The following MEF2D variants were observed in gnomAD, a reference collection of about 807,000 sequenced individuals.
MEF2D encodes the protein myocyte enhancer factor 2D.
Under a neutral mutation model 59.3 loss-of-function variants are expected in MEF2D, and 10 were observed. The observed-to-expected ratio is 0.17, with a 90% CI of 0.10 to 0.29. The LOEUF (loss-of-function observed/expected upper bound fraction) is 0.29, where lower values mean the gene tolerates loss of function less well. MEF2D is among the 10% of genes least tolerant of loss of function. The pLI, the probability that MEF2D is intolerant of heterozygous loss-of-function variation, is 1.00. For synonymous variants in MEF2D, 305 were observed against 295.0 expected, an observed-to-expected ratio of 1.03 and a Z score of -0.35; for missense variants, 508 against 699.4, an observed-to-expected ratio of 0.73 and a Z score of 3.09.
chr1:156,481,434 T>C (rs966425460), intron 3 of MEF2D, among the ~76,000 whole-genome samples: 3 of 151,458 alleles, frequency 2.0e-5, no homozygotes, highest in Non-Finnish European at 4.4e-5. Context: ...CTTAGGAGAA[T>C]AGGAGGAAGA....
intron 1 of MEF2D, among the ~76,000 whole-genome samples, chr1:156,485,344 G>T (rs1672284128): frequency 2.0e-5 from 3 of 152,130 alleles, no homozygotes; most frequent in South Asian, 4.1e-4. Context: ...ATGAGGGAAG[G>T]AGGAGAGGGA....
At chr1:156,475,267 G>A (rs761095727) in intron 8 of MEF2D, 30 bp from the exon 9 acceptor site, 10 of 1,560,376 alleles carry the variant, frequency 6.4e-6, no homozygotes, top group Admixed American at 3.8e-5. Flanking sequence ...GTCAGGAGGT[G>A]GCTGACAGGT....
rs114438203 is a variant in MEF2D, at chr1:156,468,676, T to G, written c.1247+104A>C. ...CTGTGCAGTGCACAGCCTCATAGGA[T>G]GTCCACTAGAACCCTGCAGGGAACC... On this transcript the variant is annotated intron_variant, in intron 10 of 11. Transcript: ENST00000348159. This position sits in a 1 kb window ranked among gnomAD's most constrained non-coding sequence, Gnocchi z 4.3. 341 of 1,520,822 alleles carry G rather than the reference T, an allele frequency of 2.2e-4. 2 individuals are homozygous for G. In the African/African-American group the frequency reaches 4.2e-3, roughly 19 times the overall value. The allele number at this position is 1,520,822 out of a possible 1,614,324, so 94.2% of individuals were successfully genotyped here.
chr1:156,487,298 T>TAG (rs1269491939), intron 1 of MEF2D, among the ~76,000 whole-genome samples: 3 of 152,192 alleles, frequency 2.0e-5, no homozygotes, highest in Admixed American at 2.0e-4. Flanking sequence ...TTAAAAAGAC[T>TAG]AGGCCCCATC....
intron 1 of MEF2D, among the ~76,000 whole-genome samples, chr1:156,488,785 T>C (rs1369130204): frequency 6.6e-6 from 1 of 151,992 alleles, no homozygotes; most frequent in Non-Finnish European, 1.5e-5. Context: ...GGGAGAGCGG[T>C]GAAGGGGAGA....
Position 156,468,191 on chromosome 1 carries a change from C to A in MEF2D, c.1356G>T (p.Ala452=), listed in dbSNP as rs753692123. ...PVSPSRERSP[A]PPPPAVFPAA... ...CTGGGAACACAGCTGGAGGGGGAGG[C>A]GCAGGGCTGCGCTCACGGCTTGGGG... Residue 452 remains alanine, a synonymous_variant, in exon 11 of 12, where the codon GCG becomes GCT. Coordinates refer to ENST00000348159, the MANE Select transcript of MEF2D (RefSeq NM_005920.4). The surrounding 1 kb of genome is among the most constrained non-coding windows in gnomAD (Gnocchi z 4.3). 4 of 1,613,572 alleles carry A rather than the reference C, an allele frequency of 2.5e-6. No homozygotes were observed. Among genetic ancestry groups the A allele is most frequent in the East Asian group, 4.5e-5 (2 of 44,868 alleles).
chr1:156,466,191 G>A lies in MEF2D; in HGVS notation c.*1454C>T, dbSNP rs1670827416. 1 of 152,354 alleles carries A rather than the reference G, an allele frequency of 6.6e-6. No individual in the cohort carries two copies. Among genetic ancestry groups the A allele is most frequent in the South Asian group, 2.1e-4 (1 of 4,834 alleles). The allele number at this position is 152,354 out of a possible 1,614,324, so 9.4% of individuals were successfully genotyped here. A position where few individuals can be genotyped will look rare whatever the true frequency, so the allele number is the denominator to read the frequency against. The stretch of plus-strand genomic sequence containing the variant: ...GACTCAGAGGAGGGGAGGGGAGCAA[G>A]AACAACAGCAGAAGAATCTCGTCTG... On this transcript the variant is annotated 3_prime_UTR_variant, in exon 12 of 12. Coordinates refer to ENST00000348159, the MANE Select transcript of MEF2D (RefSeq NM_005920.4).
At position 156,480,914 on chromosome 1, in the gene MEF2D, A is replaced by G. The variant is rs1671967824; in HGVS notation, c.316T>C (p.Ser106Pro). The change falls in exon 4 of 12, where the codon TCG (serine) becomes CCG (proline). Residue 106 changes from serine to proline, a missense_variant. Around this residue, in one of 2 missense-constraint regions of MEF2D, gnomAD observed 481 missense variants for 584.7 expected, o/e 0.82. Transcript: ENST00000348159. ...CDSPEPDGEDSLEQSPLLEDK... is the reference protein window; with the variant it reads ...CDSPEPDGEDPLEQSPLLEDK... Reference sequence around the variant, plus strand: ...TCCAGCAGGGGGCTCTGTTCCAGCGAGTCCTCCCCGTCGGGCTCGGGGCTG... The same window carrying G: ...TCCAGCAGGGGGCTCTGTTCCAGCGGGTCCTCCCCGTCGGGCTCGGGGCTG... 1.9e-6 allele frequency: 3 copies of G among 1,611,834 alleles called. No individual in the cohort carries two copies. Among genetic ancestry groups the G allele is most frequent in the Non-Finnish European group, 2.5e-6 (3 of 1,179,560 alleles).
rs1204476615 is a variant in MEF2D at position 156,466,306 on chromosome 1, AAAAC to A, written c.*1335_*1338del. The A allele has an allele frequency of 6.6e-6, 1 of 152,666 alleles. No individual in the cohort carries two copies. The highest frequency in any genetic ancestry group is 1.5e-5 in the Non-Finnish European group (1 of 68,062). 9.5% of individuals were successfully genotyped at this position (152,666 alleles called of 1,614,324 possible). A position where few individuals can be genotyped will look rare whatever the true frequency, so the allele number is the denominator to read the frequency against. On this transcript the variant is annotated 3_prime_UTR_variant, in exon 12 of 12. Transcript: ENST00000348159. ...CATATCAATACAACAACAACAAAAA[AAAAC>A]AGTTTCCTGGACTGTTACACCGCTA...
Position 156,468,237 on chromosome 1 carries a change from C to T in MEF2D, c.1310G>A (p.Ser437Asn), listed in dbSNP as rs952787007. ...TGGGGACACCGGTTCTGACTTGATG[C>T]TGATGTGGGGGTGGGTGGTGACTGT... Reference protein sequence around the residue: ...ALTVTTHPHISIKSEPVSPSR... With the variant: ...ALTVTTHPHINIKSEPVSPSR... Residue 437 changes from serine (S) to asparagine (N), a missense_variant, in exon 11 of 12, where the codon AGC becomes AAC. Around this residue, in one of 2 missense-constraint regions of MEF2D, gnomAD observed 481 missense variants for 584.7 expected, o/e 0.82. Transcript: ENST00000348159. The surrounding 1 kb of genome is among the most constrained non-coding windows in gnomAD (Gnocchi z 4.3). The T allele has an allele frequency of 6.2e-7, 1 of 1,601,398 alleles. No individual in the cohort carries two copies. The highest frequency in any genetic ancestry group is 8.5e-7 in the Non-Finnish European group (1 of 1,172,052).
intron 1 of MEF2D, among the ~76,000 whole-genome samples, chr1:156,489,294 G>C (rs1251358332): frequency 6.6e-6 from 1 of 152,128 alleles, no homozygotes; most frequent in Non-Finnish European, 1.5e-5. Context: ...GCAGGCGCTG[G>C]GGGAGGGGGT....
At chr1:156,470,070 C>T (rs377602206) in intron 9 of MEF2D, among the ~76,000 whole-genome samples, 3 of 152,342 alleles carry the variant, frequency 2.0e-5, no homozygotes, top group South Asian at 2.1e-4. Context: ...GTGTTCATTA[C>T]GTCATAAAAT....
rs1214453257 is a variant in MEF2D, at chr1:156,475,120, C to G, written c.994G>C (p.Ala332Pro). The G allele has an allele frequency of 1.9e-6, 3 of 1,614,192 alleles. No individual in the cohort carries two copies. Among genetic ancestry groups the G allele is most frequent in the Non-Finnish European group, 2.5e-6 (3 of 1,180,008 alleles). ...CATGAACACTCACCTGTGTTGTAGG[C>G]AGTGGGCATGGAAGAGAAGGGGAGG... ...QGLPFSSMPT[A>P]YNTDYQLTSA... The change falls in exon 9 of 12, where the codon GCC becomes CCC. Residue 332 changes from alanine to proline, a missense_variant. By Grantham distance (27) the Ala-to-Pro change is conservative (BLOSUM62 -1). Around this residue, in one of 2 missense-constraint regions of MEF2D, gnomAD observed 481 missense variants for 584.7 expected, o/e 0.82. Coordinates refer to ENST00000348159, the MANE Select transcript of MEF2D (RefSeq NM_005920.4).
At chr1:156,475,334 A>G in intron 8 of MEF2D, 97 bp from the exon 9 acceptor site, 1 of 1,433,396 alleles carries the variant, frequency 7.0e-7, no homozygotes, top group Non-Finnish European at 9.2e-7. Context: ...CTGAATCCCA[A>G]AGCCAAGGCG....
rs770972104 is a variant in MEF2D, at chr1:156,480,737, A to G, written c.396+97T>C. ...GGGGGTCAGGGCAAACACCTCGTCC[A>G]CCTCAGGGCTCTCACATTCCCTGTG... On this transcript the variant is annotated intron_variant, in intron 4 of 11. Transcript: ENST00000348159. 2.0e-5 allele frequency: 33 copies of G among 1,610,290 alleles called. No homozygotes were observed. The African/African-American group carries it at 3.9e-4, about 19-fold the overall frequency.
At chr1:156,479,833 T>A in intron 4 of MEF2D, 37 bp from the exon 5 acceptor site, 3 of 1,544,460 alleles carry the variant, frequency 1.9e-6, no homozygotes, top group Non-Finnish European at 2.6e-6. Context: ...TCAGGCCAGG[T>A]TGACCCCTTC....
At chr1:156,472,872 G>A (rs571252504) in intron 9 of MEF2D, among the ~76,000 whole-genome samples, 23 of 152,162 alleles carry the variant, frequency 1.5e-4, no homozygotes, top group Non-Finnish European at 2.6e-4. Context: ...ACTACATCCC[G>A]CTTAATTTTC....
intron 8 of MEF2D, 57 bp downstream of exon 8, chr1:156,476,437 C>T (rs1303768700): frequency 1.9e-6 from 3 of 1,586,764 alleles, no homozygotes; most frequent in Non-Finnish European, 2.6e-6. Context: ...TGCTGGGGGA[C>T]CGCAGAGCAA....
chr1:156,474,872 G>A (rs959166504), intron 9 of MEF2D, among the ~76,000 whole-genome samples: 36 of 151,952 alleles, frequency 2.4e-4, no homozygotes, highest in Admixed American at 1.2e-3. Flanking sequence ...ATTAGCAGAA[G>A]AATGTCTTTG....
Sources: allele counts gnomAD v4.1 joint callset (sites outside exome capture counted in the v4.1 genomes callset), GRCh38; gene constraint gnomAD v4.1.1; regional missense constraint gnomAD v4.1.1; non-coding constraint Gnocchi (gnomAD v3.1); transcripts MANE v1.5; gene names NCBI Gene and HGNC (gene_info 2026-07-23, HGNC 2026-07-21).